Variants in FAM200A observed in about 807,000 individuals in gnomAD.
FAM200A encodes protein FAM200A.
FAM200A carries 26 observed loss-of-function variants against 44.2 expected under a neutral mutation model. The observed-to-expected ratio is 0.59, with a 90% CI of 0.43 to 0.82. The LOEUF (loss-of-function observed/expected upper bound fraction) is 0.82, where lower values mean the gene tolerates loss of function less well. Among genes scored for constraint, FAM200A ranks in the 40% least tolerant of loss-of-function variants. The probability of loss-of-function intolerance (pLI) is 0.00; values close to 1 mark genes in which losing one functional copy is unlikely to be tolerated. For missense variants in FAM200A, 606 were observed against 669.5 expected, an observed-to-expected ratio of 0.91 and a Z score of 1.05; for synonymous variants, 206 against 244.4, an observed-to-expected ratio of 0.84 and a Z score of 1.47.
chr7:99,556,267 T>C (rs1300835290), upstream of FAM200A, among the ~76,000 whole-genome samples: 2 of 152,140 alleles, frequency 1.3e-5, no homozygotes, highest in African/African-American at 2.4e-5. Flanking sequence ...ATCATGATGG[T>C]TGGGTAAAGT....
At chr7:99,557,993 G>A (rs1329311802) in intron 1 of FAM200A, among the ~76,000 whole-genome samples, 2 of 152,174 alleles carry the variant, frequency 1.3e-5, no homozygotes, top group Non-Finnish European at 2.9e-5. Flanking sequence ...TCCCGCTTGT[G>A]CACAATGCTT....
At chr7:99,550,705 C>T (rs1277108187) in intron 1 of FAM200A, among the ~76,000 whole-genome samples, 1 of 152,164 alleles carries the variant, frequency 6.6e-6, no homozygotes, top group African/African-American at 2.4e-5. Flanking sequence ...AAATTCCCTT[C>T]TCTCCTTTAT....
At chr7:99,552,577 G>A (rs1215720329), upstream of FAM200A, among the ~76,000 whole-genome samples, 2 of 152,124 alleles carry the variant, frequency 1.3e-5, no homozygotes, top group African/African-American at 4.8e-5. Context: ...ATAAAATTCT[G>A]AGTTTGCCTT....
chr7:99,554,478 C>CAAAAAAAAAAAAAA (rs397889799), upstream of FAM200A, among the ~76,000 whole-genome samples: 2 of 52,198 alleles, frequency 3.8e-5, no homozygotes, highest in African/African-American at 6.9e-5. Context: ...GACTCCGTCT[C>CAAAAAAAAAAAAAA]AAAAAAAAAA....
intron 1 of FAM200A, among the ~76,000 whole-genome samples, chr7:99,551,000 G>A (rs1018453880): frequency 6.6e-6 from 1 of 151,850 alleles, no homozygotes; most frequent in Non-Finnish European, 1.5e-5. Flanking sequence ...GCTTGAACTC[G>A]GGCGCTGGAG....
At chr7:99,548,896 T>TG (rs1802457318) in intron 1 of FAM200A, among the ~76,000 whole-genome samples, 1 of 140,678 alleles carries the variant, frequency 7.1e-6, no homozygotes, top group Admixed American at 7.2e-5. Flanking sequence ...TTTTTTTTTT[T>TG]GAGATGGAGT....
At position 99,546,575 on chromosome 7, in the gene FAM200A, G is replaced by C; in HGVS notation, c.*111C>G. Reference sequence around the variant, plus strand: ...GTAGAGATGGGGTTTCACCATGTTGGCCAGGCTGGTCTTGAACTCAAGTGA... The same window carrying C: ...GTAGAGATGGGGTTTCACCATGTTGCCCAGGCTGGTCTTGAACTCAAGTGA... On this transcript the variant is annotated 3_prime_UTR_variant, in exon 2 of 2. Transcript: ENST00000449309. The C allele has an allele frequency of 1.7e-6, 2 of 1,187,980 alleles. No homozygotes were observed. The highest frequency in any genetic ancestry group is 2.8e-4 in the Middle Eastern group (1 of 3,560). The allele number at this position is 1,187,980 out of a possible 1,614,324, so 73.6% of individuals were successfully genotyped here.
At position 99,547,904 on chromosome 7, in the gene FAM200A, A is replaced by G; in HGVS notation, c.504T>C (p.Phe168=). 6.4e-7 allele frequency: 1 copy of G among 1,551,284 alleles called. No homozygotes were observed. Among genetic ancestry groups the G allele is most frequent in the Non-Finnish European group, 8.7e-7 (1 of 1,146,984 alleles). Residue 168 remains phenylalanine, a synonymous_variant, in exon 2 of 2, where the codon TTT becomes TTC. Transcript: ENST00000449309. The part of the protein sequence containing the change: ...VYVRYVWQDD[F]VEDLLCCLNL... ...TTAAACAACATAAGAGATCCTCTAC[A>G]AAATCATCTTGCCACACATATCTGA...
At position 99,548,309 on chromosome 7, in the gene FAM200A, T is replaced by C. The variant is rs757423182; in HGVS notation, c.99A>G (p.Glu33=). ...TGTTTCTTTCCTTTTGAAAATGGTCTTCTTCATCTTCCTCCTCCACCTTCA... is the reference window on the plus strand; with the variant it reads ...TGTTTCTTTCCTTTTGAAAATGGTCCTCTTCATCTTCCTCCTCCACCTTCA... The part of the protein sequence containing the change: ...VIVKVEEEDE[E]DHFQKERNKV... Residue 33 remains glutamate, a synonymous_variant, in exon 2 of 2, where the codon GAA becomes GAG. Coordinates refer to ENST00000449309, the MANE Select transcript of FAM200A (RefSeq NM_145111.4). 6.2e-7 allele frequency: 1 copy of C among 1,614,210 alleles called. No homozygotes were observed. The highest frequency in any genetic ancestry group is 1.3e-5 in the African/African-American group (1 of 75,050).
In FAM200A at chr7:99,547,770, C is replaced by T; in HGVS notation, c.638G>A (p.Gly213Glu). Residue 213 changes from glycine to glutamate, a missense_variant, in exon 2 of 2, where the codon GGA (glycine) becomes GAA (glutamate). Transcript: ENST00000449309. ...WKHCKGISSD[G>E]TANMTGKHSR... The stretch of plus-strand genomic sequence containing the variant: ...GTGTTTTCCGGTCATATTTGCTGTT[C>T]CATCACTTGAAATTCCTTTACAATG... 1 of 1,551,622 alleles carries T rather than the reference C, an allele frequency of 6.4e-7. No individual in the cohort carries two copies. The highest frequency in any genetic ancestry group is 1.4e-5 in the African/African-American group (1 of 73,172).
intron 1 of FAM200A, among the ~76,000 whole-genome samples, chr7:99,550,143 C>A (rs2151130001): frequency 6.6e-6 from 1 of 151,402 alleles, no homozygotes; most frequent in Non-Finnish European, 1.5e-5. Context: ...CGGAGTCTAG[C>A]TCTGTTGCTG....
At chr7:99,553,093 A>T (rs1285235287), upstream of FAM200A, among the ~76,000 whole-genome samples, 118 of 90,426 alleles carry the variant, frequency 1.3e-3, 1 homozygote, top group African/African-American at 7.5e-3. Flanking sequence ...ATATATATAT[A>T]TATATATTTT....
At chr7:99,548,640 C>G in intron 1 of FAM200A, 134 bp from the exon 2 acceptor site, 1 of 758,674 alleles carries the variant, frequency 1.3e-6, no homozygotes, top group Non-Finnish European at 2.0e-6. Flanking sequence ...TTCATGTTGG[C>G]TGTGTGTCAG....
At chr7:99,554,872 A>C (rs1052799939), upstream of FAM200A, among the ~76,000 whole-genome samples, 1 of 152,170 alleles carries the variant, frequency 6.6e-6, no homozygotes, top group African/African-American at 2.4e-5. Flanking sequence ...AGTTGTAGGG[A>C]ACTTTTATAA....
chr7:99,547,674 C>T lies in FAM200A; in HGVS notation c.734G>A (p.Arg245Gln), dbSNP rs937143169. ...NAVWNHCFIH[R>Q]EALVSKEISP... The stretch of plus-strand genomic sequence containing the variant: ...AATTTCTTTGGATACCAAAGCTTCT[C>T]GATGAATAAAACAGTGATTCCAAAC... Residue 245 changes from arginine to glutamine, a missense_variant, in exon 2 of 2, where the codon CGA (arginine) becomes CAA (glutamine). Physicochemically the swap from Arg to Gln is conservative, Grantham distance 43 (BLOSUM62 1). Transcript: ENST00000449309. 6.4e-6 allele frequency: 10 copies of T among 1,550,992 alleles called. No individual in the cohort carries two copies. The Admixed American group carries it at 1.2e-4, about 18-fold the overall frequency.
At position 99,547,465 on chromosome 7, in the gene FAM200A, C is replaced by T. The variant is rs1562924862; in HGVS notation, c.943G>A (p.Glu315Lys). Residue 315 changes from glutamate to lysine, a missense_variant, in exon 2 of 2, where the codon GAA becomes AAA. Glu to Lys is a moderately conservative substitution (Grantham distance 56). Transcript: ENST00000449309. ...AAAATGTAAATCTCGTTCCTGAGTTCATATACTCTGCTCAATACTTTTCCT... is the reference window on the plus strand; with the variant it reads ...AAAATGTAAATCTCGTTCCTGAGTTTATATACTCTGCTCAATACTTTTCCT... ...SQGKVLSRVY[E>K]LRNEIYIFLV... is the part of the protein sequence containing the mutation. 1 of 1,551,308 alleles carries T rather than the reference C, an allele frequency of 6.4e-7. No homozygotes were observed. The highest frequency in any genetic ancestry group is 2.0e-5 in the Admixed American group (1 of 50,976).
At chr7:99,557,778 G>T (rs2177464) in intron 1 of FAM200A, among the ~76,000 whole-genome samples, 11 of 152,320 alleles carry the variant, frequency 7.2e-5, no homozygotes, top group African/African-American at 2.6e-4. Flanking sequence ...AATTTGAAAC[G>T]TCCAGTAACA....
upstream of FAM200A, chr7:99,552,190 A>T (rs532117537): frequency 2.0e-6 from 2 of 984,876 alleles, no homozygotes; most frequent in East Asian, 1.1e-4. Flanking sequence ...TCGCGGGAGG[A>T]CTTTGCATCC....
At chr7:99,551,769 G>A (rs1261842865) in intron 1 of FAM200A, 85 bp downstream of exon 1, 6 of 958,490 alleles carry the variant, frequency 6.3e-6, no homozygotes, top group Non-Finnish European at 7.4e-6. Context: ...CCAGGACTGG[G>A]GGTCCAGAAG....
Sources: allele counts gnomAD v4.1 joint callset (sites outside exome capture counted in the v4.1 genomes callset), GRCh38; gene constraint gnomAD v4.1.1; transcripts MANE v1.5; gene names NCBI Gene and HGNC (gene_info 2026-07-23, HGNC 2026-07-21).